LHFPL2: variants seen among roughly 807,000 people sequenced by gnomAD.
LHFPL2 encodes the protein LHFPL tetraspan subfamily member 2 protein.
Under a neutral mutation model 17.5 loss-of-function variants are expected in LHFPL2, and 7 were observed. That is an observed-to-expected ratio of 0.40 (90% CI 0.23 to 0.75). The LOEUF is 0.75. Ranked by LOEUF, LHFPL2 falls within the 30% of genes least tolerant of loss-of-function variation. LHFPL2 has a pLI of 0.37. For missense variants in LHFPL2, 241 were observed against 294.8 expected, an observed-to-expected ratio of 0.82 and a Z score of 1.34; for synonymous variants, 134 against 116.2, an observed-to-expected ratio of 1.15 and a Z score of -0.99.
At chr5:78,599,062 G>A (rs145029364) in intron 2 of LHFPL2, among the ~76,000 whole-genome samples, 33 of 152,188 alleles carry the variant, frequency 2.2e-4, no homozygotes, top group Non-Finnish European at 4.3e-4. Flanking sequence ...GAAGTGCTGC[G>A]CTCACTGCAC....
In LHFPL2 at chr5:78,593,994, ACT is replaced by A. The variant is rs760165052; in HGVS notation, c.-244-29125_-244-29124del. ...CTCTTGCATACTGCTTGTTATGAAC[ACT>A]CTTCCAATAACTCGTAGATAGGAAC... On this transcript the variant is annotated intron_variant, in intron 2 of 4. Coordinates refer to ENST00000380345, the MANE Select transcript of LHFPL2 (RefSeq NM_005779.3). Among the ~76,000 whole-genome samples the A allele has an allele frequency of 2.0e-5, 3 of 152,084 alleles. No homozygotes were observed. In the East Asian group the frequency reaches 5.8e-4, roughly 29 times the overall value.
intron 3 of LHFPL2, among the ~76,000 whole-genome samples, chr5:78,527,007 G>A (rs928310549): frequency 1.3e-5 from 2 of 152,226 alleles, no homozygotes; most frequent in Admixed American, 1.3e-4. Flanking sequence ...AACAAATACA[G>A]AGTTGACTTA....
At chr5:78,538,546 T>A (rs1756015042) in intron 3 of LHFPL2, among the ~76,000 whole-genome samples, 1 of 152,168 alleles carries the variant, frequency 6.6e-6, no homozygotes, top group South Asian at 2.1e-4. Context: ...CAATACTTCA[T>A]ATTGCCTCAC....
intron 1 of LHFPL2, among the ~76,000 whole-genome samples, chr5:78,642,656 C>T (rs947021841): frequency 8.5e-5 from 13 of 152,078 alleles, no homozygotes; most frequent in African/African-American, 2.9e-4. Context: ...AAAAGAACTC[C>T]CTCTATCATC....
chr5:78,493,421 T>C (rs1023877991), intron 4 of LHFPL2, among the ~76,000 whole-genome samples: 2 of 152,238 alleles, frequency 1.3e-5, no homozygotes, highest in Admixed American at 6.5e-5. Context: ...CCTACAAGAA[T>C]TGTCATTTCA....
intron 2 of LHFPL2, among the ~76,000 whole-genome samples, chr5:78,584,596 GGGGGTCA>G: frequency 6.6e-6 from 1 of 152,216 alleles, no homozygotes; most frequent in East Asian, 1.9e-4. Flanking sequence ...TAGGATGCTC[GGGGGTCA>G]GGGGTCAGGG....
intron 2 of LHFPL2, among the ~76,000 whole-genome samples, chr5:78,592,982 C>T (rs887844882): frequency 1.3e-5 from 2 of 152,158 alleles, no homozygotes; most frequent in African/African-American, 4.8e-5. Context: ...GAACTGTATG[C>T]TTGAAATGTA....
intron 2 of LHFPL2, among the ~76,000 whole-genome samples, chr5:78,579,726 T>G (rs1456538310): frequency 6.6e-6 from 1 of 152,254 alleles, no homozygotes; most frequent in Non-Finnish European, 1.5e-5. Context: ...CCACATTTTC[T>G]TAATCCAGTC....
intron 4 of LHFPL2, among the ~76,000 whole-genome samples, chr5:78,495,347 G>A (rs1424275910): frequency 1.3e-5 from 2 of 152,168 alleles, no homozygotes; most frequent in Middle Eastern, 3.2e-3. Context: ...GCCAATGGAT[G>A]GGACTCAAGG....
In LHFPL2 at chr5:78,487,919, T is replaced by C. The variant is rs1336161249; in HGVS notation, c.*978A>G. The C allele has an allele frequency of 1.3e-5, 2 of 152,022 alleles. No individual in the cohort carries two copies. Among genetic ancestry groups the C allele is most frequent in the East Asian group, 3.8e-4 (2 of 5,202 alleles). 9.4% of individuals were successfully genotyped at this position (152,022 alleles called of 1,614,324 possible). On this transcript the variant is annotated 3_prime_UTR_variant, in exon 5 of 5. Transcript: ENST00000380345. ...ATTCTGCTACTGTCGGGATTGGAAATAGAGCTGACTACAGCATGGTCACCA... is the reference window on the plus strand; with the variant it reads ...ATTCTGCTACTGTCGGGATTGGAAACAGAGCTGACTACAGCATGGTCACCA...
chr5:78,506,972 G>A (rs373301618), intron 4 of LHFPL2, among the ~76,000 whole-genome samples: 1 of 152,152 alleles, frequency 6.6e-6, no homozygotes, highest in Non-Finnish European at 1.5e-5. Flanking sequence ...GCCCTCAGCA[G>A]TGCTCCCACT....
chr5:78,625,006 C>A (rs1311796471), intron 2 of LHFPL2: 1 of 151,994 alleles, frequency 6.6e-6, no homozygotes, highest in Non-Finnish European at 1.5e-5. Flanking sequence ...TTTCACCATG[C>A]TGGCCAGGAC....
intron 1 of LHFPL2, among the ~76,000 whole-genome samples, chr5:78,637,435 C>T (rs1176838317): frequency 1.3e-5 from 2 of 152,124 alleles, no homozygotes; most frequent in Non-Finnish European, 2.9e-5. Context: ...CATATCTCAA[C>T]TGGAAGAGCT....
intron 2 of LHFPL2, among the ~76,000 whole-genome samples, chr5:78,599,311 G>C (rs1561358968): frequency 6.6e-6 from 1 of 151,874 alleles, no homozygotes; most frequent in Admixed American, 6.6e-5. Context: ...GGAGCACAGG[G>C]GGTTGCGGAC....
Position 78,585,772 on chromosome 5 carries a change from G to A in LHFPL2, c.-244-20901C>T, listed in dbSNP as rs144907076. 3.5e-3 allele frequency among the ~76,000 whole-genome samples: 530 copies of A among 152,230 alleles called. 4 individuals carry two copies. Among genetic ancestry groups the A allele is most frequent in the African/African-American group, 0.012 (512 of 41,538 alleles). On this transcript the variant is annotated intron_variant, in intron 2 of 4. Transcript: ENST00000380345. ...CTGTGCTAGGCACTTAATAGCATTT[G>A]TCTTCATGAAAAACTCACAACAATT...
chr5:78,560,320 A>C lies in LHFPL2; in HGVS notation c.-186+4493T>G, dbSNP rs537624480. Reference sequence around the variant, plus strand: ...CATGTTTCCTACAACTGCTGCCGAAAACTAAGCATCTAGCCAGCAATCATG... The same window carrying C: ...CATGTTTCCTACAACTGCTGCCGAACACTAAGCATCTAGCCAGCAATCATG... On this transcript the variant is annotated intron_variant, in intron 3 of 4. Transcript: ENST00000380345. Among the ~76,000 whole-genome samples the C allele has an allele frequency of 8.5e-5, 13 of 152,368 alleles. No individual in the cohort carries two copies. The South Asian group carries it at 2.3e-3, about 27-fold the overall frequency.
intron 4 of LHFPL2, among the ~76,000 whole-genome samples, chr5:78,507,941 TACACACACACAC>T (rs10562386): frequency 7.4e-5 from 11 of 148,458 alleles, no homozygotes; most frequent in African/African-American, 2.2e-4. Context: ...TACACATGCA[TACACACACACAC>T]ACACACACAC....
rs141653773 is a variant in LHFPL2 at position 78,571,427 on chromosome 5, AC to A, written c.-244-6557del. Among the ~76,000 whole-genome samples, 1,361 of 152,102 alleles carry A rather than the reference AC, an allele frequency of 8.9e-3. 23 individuals carry two copies. Among genetic ancestry groups the A allele is most frequent in the African/African-American group, 0.031 (1,273 of 41,484 alleles). On this transcript the variant is annotated intron_variant, in intron 2 of 4. Transcript: ENST00000380345. ...CCCTCGCCTCTGCCCTCTCCGTGCC[AC>A]CCTTCTCTGAGCTCACGCAGCTCAG...
chr5:78,531,514 C>G (rs4704515), intron 3 of LHFPL2, among the ~76,000 whole-genome samples: 149,772 of 152,302 alleles, frequency 0.98, 73,698 homozygotes, highest in Middle Eastern at 1. Context: ...TCAGGTTCCA[C>G]TATGGCACTG....
Sources: allele counts gnomAD v4.1 joint callset (sites outside exome capture counted in the v4.1 genomes callset), GRCh38; gene constraint gnomAD v4.1.1; transcripts MANE v1.5; gene names NCBI Gene and HGNC (gene_info 2026-07-23, HGNC 2026-07-21).